The following NECTIN3 variants were observed in gnomAD, a reference collection of about 807,000 sequenced individuals.
NECTIN3 encodes the protein nectin-3.
A neutral mutation model predicts 49.4 loss-of-function variants in NECTIN3; 8 were observed. That is an observed-to-expected ratio of 0.16 (90% CI 0.10 to 0.29). NECTIN3 has a LOEUF of 0.29. Among genes scored for constraint, NECTIN3 ranks in the 10% least tolerant of loss-of-function variants. The pLI, the probability that NECTIN3 is intolerant of heterozygous loss-of-function variation, is 1.00. For synonymous variants in NECTIN3, 277 were observed against 241.1 expected, an observed-to-expected ratio of 1.15 and a Z score of -1.38; for missense variants, 581 against 654.6, an observed-to-expected ratio of 0.89 and a Z score of 1.23.
chr3:111,189,312 A>G (rs894801224), upstream of NECTIN3, among the ~76,000 whole-genome samples: 9 of 152,216 alleles, frequency 5.9e-5, no homozygotes, highest in African/African-American at 2.2e-4. Flanking sequence ...TGATGCTGGT[A>G]AAAGAGGTAG....
chr3:111,105,033 C>A (rs1308366599), intron 1 of NECTIN3, among the ~76,000 whole-genome samples: 1 of 152,160 alleles, frequency 6.6e-6, no homozygotes, highest in Non-Finnish European at 1.5e-5. Flanking sequence ...TTTAATTTCT[C>A]TCAGCAAATT....
intron 1 of NECTIN3, among the ~76,000 whole-genome samples, chr3:111,101,562 G>C (rs978884744): frequency 6.6e-6 from 1 of 152,032 alleles, no homozygotes; most frequent in Admixed American, 6.6e-5. Flanking sequence ...ATTTAGAAAG[G>C]AAGTTGACTT....
chr3:111,104,945 G>A (rs1306921261), intron 1 of NECTIN3, among the ~76,000 whole-genome samples: 1 of 152,070 alleles, frequency 6.6e-6, no homozygotes, highest in African/African-American at 2.4e-5. Context: ...GATCAATTTA[G>A]AGAGAATTAA....
intron 7 of NECTIN3, among the ~76,000 whole-genome samples, chr3:111,159,432 G>C (rs886181269): frequency 1.3e-5 from 2 of 152,090 alleles, no homozygotes; most frequent in Middle Eastern, 3.2e-3. Flanking sequence ...GTAATTTTCC[G>C]TAATGAACTA....
At position 111,126,254 on chromosome 3, in the gene NECTIN3, T is replaced by G; in HGVS notation, c.988T>G (p.Phe330Val). 1 of 1,610,532 alleles carries G rather than the reference T, an allele frequency of 6.2e-7. No homozygotes were observed. The highest frequency in any genetic ancestry group is 1.3e-5 in the African/African-American group (1 of 74,900). ...NTLHFVHPLT[F>V]NYSGVYICKV... ...TCTTCATTTTGTCCATCCATTGACT[T>G]TCAATTATTCTGGTGTTTATATCTG... is the stretch of plus-strand genomic sequence containing the variant. The change falls in exon 5 of 6, where the codon TTC becomes GTC. Residue 330 changes from phenylalanine (F) to valine (V), a missense_variant. Transcript: ENST00000485303.
intron 1 of NECTIN3, among the ~76,000 whole-genome samples, chr3:111,080,113 C>T (rs1460518875): frequency 6.6e-6 from 1 of 151,922 alleles, no homozygotes; most frequent in Non-Finnish European, 1.5e-5. Flanking sequence ...TACTAATTAG[C>T]AGGAAATAAG....
At chr3:111,103,913 T>C (rs1453456037) in intron 1 of NECTIN3, among the ~76,000 whole-genome samples, 2 of 152,204 alleles carry the variant, frequency 1.3e-5, no homozygotes, top group Non-Finnish European at 2.9e-5. Context: ...ATTCGTCTCT[T>C]GATGGACATT....
chr3:111,073,737 A>T (rs1365775877), intron 1 of NECTIN3, among the ~76,000 whole-genome samples: 1 of 152,192 alleles, frequency 6.6e-6, no homozygotes, highest in Non-Finnish European at 1.5e-5. Flanking sequence ...CTGAGAGAAT[A>T]TTTATACCTC....
chr3:111,103,453 CTT>C (rs78643326), intron 1 of NECTIN3, among the ~76,000 whole-genome samples: 17 of 138,754 alleles, frequency 1.2e-4, no homozygotes, highest in Admixed American at 2.9e-4. Context: ...AAGTGATTGA[CTT>C]TTTTTTTTTT....
intron 2 of NECTIN3, among the ~76,000 whole-genome samples, chr3:111,116,760 C>T (rs1414107343): frequency 1.3e-5 from 2 of 151,998 alleles, no homozygotes; most frequent in Non-Finnish European, 2.9e-5. Context: ...CAACCTTATT[C>T]ATAATCTGAG....
At chr3:111,118,275 TA>T (rs1355285228) in intron 2 of NECTIN3, among the ~76,000 whole-genome samples, 2 of 138,082 alleles carry the variant, frequency 1.4e-5, no homozygotes, top group Admixed American at 1.5e-4. Flanking sequence ...TATATATATA[TA>T]TATATATTAT....
intron 4 of NECTIN3, 41 bp downstream of exon 4, chr3:111,122,279 A>G (rs2033989581): frequency 7.1e-7 from 1 of 1,409,630 alleles, no homozygotes; most frequent in South Asian, 1.2e-5. Flanking sequence ...TCTAAAAGTG[A>G]AACCTTCTTA....
chr3:111,150,224 T>C (rs2034971777), intron 7 of NECTIN3, among the ~76,000 whole-genome samples: 1 of 152,012 alleles, frequency 6.6e-6, no homozygotes, highest in Non-Finnish European at 1.5e-5. Context: ...TTATGGGGAA[T>C]GAGGCTTTTG....
upstream of NECTIN3, among the ~76,000 whole-genome samples, chr3:111,189,601 A>G (rs1208961040): frequency 1.3e-5 from 2 of 152,226 alleles, no homozygotes; most frequent in Admixed American, 6.5e-5. Flanking sequence ...AATTATCTGT[A>G]TTAATGGATG....
intron 7 of NECTIN3, among the ~76,000 whole-genome samples, chr3:111,165,119 C>G (rs2035292940): frequency 6.6e-6 from 1 of 152,090 alleles, no homozygotes; most frequent in African/African-American, 2.4e-5. Context: ...TCTCAGCTCA[C>G]TGCAAGCTCC....
Position 111,076,865 on chromosome 3 carries a change from C to T in NECTIN3, c.160+4688C>T, listed in dbSNP as rs539152756. Among the ~76,000 whole-genome samples, 130 of 151,488 alleles carry T rather than the reference C, an allele frequency of 8.6e-4. 3 individuals are homozygous for T. The highest frequency in any genetic ancestry group is 1.5e-3 in the Admixed American group (23 of 15,134). On this transcript the variant is annotated intron_variant, in intron 1 of 5. Coordinates refer to ENST00000485303, the MANE Select transcript of NECTIN3 (RefSeq NM_015480.3). ...TGGCAGGAGCCTGTAATCCCAGCTG[C>T]TTGGAAGGCTGAGGCAGGCTAATTG...
chr3:111,190,139 A>G (rs1244397469), upstream of NECTIN3, among the ~76,000 whole-genome samples: 1 of 152,220 alleles, frequency 6.6e-6, no homozygotes, highest in Non-Finnish European at 1.5e-5. Context: ...GCAAAGTATT[A>G]AAAGCATTAA....
chr3:111,112,961 G>T (rs1173100907), intron 2 of NECTIN3, among the ~76,000 whole-genome samples: 2 of 152,088 alleles, frequency 1.3e-5, no homozygotes, highest in Non-Finnish European at 2.9e-5. Flanking sequence ...AACCAATTTG[G>T]AAATGCTGAT....
At chr3:111,166,907 A>G in intron 7 of NECTIN3, among the ~76,000 whole-genome samples, 1 of 152,234 alleles carries the variant, frequency 6.6e-6, no homozygotes, top group Non-Finnish European at 1.5e-5. Context: ...ATAATATTTA[A>G]TAAAGATAGG....
Sources: gnomAD v4.1 joint callset for allele counts (sites outside exome capture counted in the v4.1 genomes callset) on GRCh38, gnomAD v4.1.1 for gene constraint, MANE v1.5 for transcripts, NCBI Gene and HGNC (gene_info 2026-07-23, HGNC 2026-07-21) for gene names.